CEP44: variants seen among roughly 807,000 people sequenced by gnomAD.
CEP44 encodes the protein centrosomal protein 44.
In CEP44, 45 loss-of-function variants were observed where a neutral mutation model predicts 46.7. That is an observed-to-expected ratio of 0.96 (90% CI 0.76 to 1.24). The LOEUF is 1.24. Among genes scored for constraint, CEP44 ranks in the 50% most tolerant of loss-of-function variants. The pLI, the probability that CEP44 is intolerant of heterozygous loss-of-function variation, is 0.00. For missense variants in CEP44, 475 were observed against 459.7 expected, an observed-to-expected ratio of 1.03 and a Z score of -0.30; for synonymous variants, 142 against 146.0, an observed-to-expected ratio of 0.97 and a Z score of 0.20.
At chr4:174,298,250 A>G (rs1206467448) in intron 2 of CEP44, among the ~76,000 whole-genome samples, 188 bp downstream of exon 2, 3 of 128,764 alleles carry the variant, frequency 2.3e-5, no homozygotes, top group Non-Finnish European at 4.6e-5. Flanking sequence ...ATCTCGGCTC[A>G]CTGCAAGCTC....
chr4:174,328,675 C>T (rs1731141324), intron 8 of CEP44, among the ~76,000 whole-genome samples: 1 of 152,052 alleles, frequency 6.6e-6, no homozygotes. Flanking sequence ...TTATTTCTTT[C>T]ATTTTTTTTC....
chr4:174,285,601 T>A (rs140517819), intron 1 of CEP44: 4 of 152,264 alleles, frequency 2.6e-5, no homozygotes, highest in African/African-American at 9.6e-5. Flanking sequence ...AAGTGTTACG[T>A]AAAACAGAAT....
intron 1 of CEP44, among the ~76,000 whole-genome samples, chr4:174,295,664 C>T (rs563714893): frequency 1.7e-4 from 26 of 152,122 alleles, no homozygotes; most frequent in Middle Eastern, 3.4e-3. Flanking sequence ...TGTAGCGAGC[C>T]GAGATCACGC....
downstream of CEP44, chr4:174,320,410 T>C (rs1202793963): frequency 1.2e-5 from 8 of 693,544 alleles, no homozygotes; most frequent in Non-Finnish European, 1.3e-5. Flanking sequence ...TAATATAACC[T>C]TCTCAATTTT....
chr4:174,319,767 A>AC lies in CEP44; in HGVS notation c.*2385dup. On this transcript the variant is annotated 3_prime_UTR_variant, in exon 12 of 12. Transcript: ENST00000503780. ...CTCAATATATCATACATTTACACTT[A>AC]CAAAGAGTCTTTATCTAGACAACAT... 1 of 913,650 alleles carries AC rather than the reference A, an allele frequency of 1.1e-6. No individual in the cohort carries two copies. The highest frequency in any genetic ancestry group is 1.3e-6 in the Non-Finnish European group (1 of 766,406). The allele number at this position is 913,650 out of a possible 1,614,324, so 56.6% of individuals were successfully genotyped here.
In CEP44 at chr4:174,309,087, A is replaced by G. The variant is rs1473375703; in HGVS notation, c.678+228A>G. Among the ~76,000 whole-genome samples the G allele has an allele frequency of 1.3e-5, 2 of 152,156 alleles. No homozygotes were observed. The highest frequency in any genetic ancestry group is 4.8e-5 in the African/African-American group (2 of 41,460). Reference sequence around the variant, plus strand: ...GCTAAGTGTTGGGGTGATGCAAAGTAGAATAAGATATGGTACTTGGCTTTA... The same window carrying G: ...GCTAAGTGTTGGGGTGATGCAAAGTGGAATAAGATATGGTACTTGGCTTTA... On this transcript the variant is annotated intron_variant, in intron 7 of 11. Transcript: ENST00000503780. The surrounding 1 kb of genome is among the most constrained non-coding windows in gnomAD (Gnocchi z 5.3).
rs764133678 is a variant in CEP44, at chr4:174,318,623, A to G, written c.*1240A>G. 15 of 642,920 alleles carry G rather than the reference A, an allele frequency of 2.3e-5. No individual in the cohort carries two copies. The highest frequency in any genetic ancestry group is 2.9e-5 in the Non-Finnish European group (15 of 518,292). The allele number at this position is 642,920 out of a possible 1,614,324, so 39.8% of individuals were successfully genotyped here. A position where few individuals can be genotyped will look rare whatever the true frequency, so the allele number is the denominator to read the frequency against. On this transcript the variant is annotated 3_prime_UTR_variant, in exon 12 of 12. Coordinates refer to ENST00000503780, the MANE Select transcript of CEP44 (RefSeq NM_001040157.3). ...GAAAATTAGTATTTTTTTTAATATT[A>G]TATGGACCATCTGATTATATTTTAT...
chr4:174,308,820 G>C lies in CEP44; in HGVS notation c.639G>C (p.Met213Ile). The C allele has an allele frequency of 6.2e-7, 1 of 1,613,196 alleles. No homozygotes were observed. The highest frequency in any genetic ancestry group is 8.5e-7 in the Non-Finnish European group (1 of 1,179,412). ...ACTTAAATGCTACTGAAATAAAGAT[G>C]CCTGAAGTAAAGGTTCCTGAAATCA... ...VSDLNATEIKMPEVKVPEIKA... is the reference protein window; with the variant it reads ...VSDLNATEIKIPEVKVPEIKA... Residue 213 changes from methionine to isoleucine, a missense_variant, in exon 7 of 12, where the codon ATG (methionine) becomes ATC (isoleucine). By Grantham distance (10) the Met-to-Ile change is conservative. Transcript: ENST00000503780.
At chr4:174,303,599 C>G (rs1426449988) in intron 4 of CEP44, 104 bp from the exon 5 acceptor site, 1 of 623,230 alleles carries the variant, frequency 1.6e-6, no homozygotes, top group East Asian at 2.7e-5. Context: ...TTTTCCTTGT[C>G]CTCTCAAAGG....
At position 174,319,244 on chromosome 4, in the gene CEP44, CA is replaced by C; in HGVS notation, c.*1863del. 1.0e-6 allele frequency: 1 copy of C among 968,814 alleles called. No individual in the cohort carries two copies. The highest frequency in any genetic ancestry group is 1.2e-6 in the Non-Finnish European group (1 of 814,966). 60.0% of individuals were successfully genotyped at this position (968,814 alleles called of 1,614,324 possible). A position where few individuals can be genotyped will look rare whatever the true frequency, so the allele number is the denominator to read the frequency against. On this transcript the variant is annotated 3_prime_UTR_variant, in exon 12 of 12. Transcript: ENST00000503780. ...TGAAGCATGTTAGCTTTAATTTTTT[CA>C]ATTGTGAGAGAAGTACATTTATAAA...
intron 1 of CEP44, 141 bp downstream of exon 1, chr4:174,284,084 T>A: frequency 2.5e-6 from 1 of 399,086 alleles, no homozygotes; most frequent in Non-Finnish European, 4.4e-6. Context: ...ATGCTCCGTT[T>A]TCCTCTCCCT....
intron 6 of CEP44, among the ~76,000 whole-genome samples, chr4:174,304,601 C>G (rs944377531): frequency 6.6e-6 from 1 of 152,130 alleles, no homozygotes; most frequent in Admixed American, 6.5e-5. Context: ...ATTTCTAATT[C>G]TGCCGGATTT....
intron 9 of CEP44, among the ~76,000 whole-genome samples, chr4:174,315,813 C>T (rs1235256052): frequency 1.4e-5 from 2 of 145,178 alleles, no homozygotes; most frequent in Admixed American, 7.1e-5. Context: ...TGCACTCCTG[C>T]CTGGGCGACA....
chr4:174,304,689 T>G (rs1345399756), intron 6 of CEP44, among the ~76,000 whole-genome samples: 1 of 152,228 alleles, frequency 6.6e-6, no homozygotes, highest in Non-Finnish European at 1.5e-5. Context: ...GTTCTGGTCT[T>G]CCTAAAACAT....
At chr4:174,291,810 T>TTTC (rs1738257365) in intron 1 of CEP44, among the ~76,000 whole-genome samples, 2 of 142,220 alleles carry the variant, frequency 1.4e-5, no homozygotes, top group Admixed American at 7.0e-5. Flanking sequence ...TTTTTTTTTT[T>TTTC]TTCCAGGTCT....
rs1741972126 is a variant in CEP44, at chr4:174,318,379, C to T, written c.*996C>T. ...AAGAGAATGTAGCCATTCTAGCCAC[C>T]GTTAAAAGATACACAGTGAGGTGTT... On this transcript the variant is annotated 3_prime_UTR_variant, in exon 12 of 12. Transcript: ENST00000503780. 5 of 984,840 alleles carry T rather than the reference C, an allele frequency of 5.1e-6. No homozygotes were observed. The highest frequency in any genetic ancestry group is 4.7e-5 in the South Asian group (1 of 21,256). The allele number at this position is 984,840 out of a possible 1,614,324, so 61.0% of individuals were successfully genotyped here.
At chr4:174,330,627 G>C (rs1731270932) in intron 8 of CEP44, among the ~76,000 whole-genome samples, 1 of 146,984 alleles carries the variant, frequency 6.8e-6, no homozygotes, top group African/African-American at 2.5e-5. Flanking sequence ...TTTCCTAGAA[G>C]TTCAACAAAC....
chr4:174,330,381 A>C (rs894655300), intron 8 of CEP44, among the ~76,000 whole-genome samples: 6 of 151,766 alleles, frequency 4.0e-5, no homozygotes, highest in African/African-American at 1.2e-4. Context: ...CCCAGCTACT[A>C]GTGGGGCTGA....
downstream of CEP44, among the ~76,000 whole-genome samples, chr4:174,321,186 T>C (rs1742292648): frequency 6.6e-6 from 1 of 152,184 alleles, no homozygotes; most frequent in African/African-American, 2.4e-5. Flanking sequence ...CATTTGTAGG[T>C]ACTTTAAGTT....
Sources: allele counts gnomAD v4.1 joint callset (sites outside exome capture counted in the v4.1 genomes callset), GRCh38; gene constraint gnomAD v4.1.1; non-coding constraint Gnocchi (gnomAD v3.1); transcripts MANE v1.5; gene names NCBI Gene and HGNC (gene_info 2026-07-23, HGNC 2026-07-21).